PRH1: variants seen among roughly 807,000 people sequenced by gnomAD.
The protein encoded by PRH1 is proline rich protein HaeIII subfamily 1.
Under a neutral mutation model 7.9 loss-of-function variants are expected in PRH1, and 7 were observed. That is an observed-to-expected ratio of 0.89 (90% confidence interval 0.50 to 1.67). The LOEUF is 1.67. PRH1 is among the 40% of genes most tolerant of loss of function. The pLI, the probability that PRH1 is intolerant of heterozygous loss-of-function variation, is 0.00. For synonymous variants in PRH1, 45 were observed against 80.8 expected (o/e 0.56, Z 2.38); for missense variants, 109 against 223.6 (o/e 0.49, Z 3.27).
chr12:10,925,575 T>C (rs1410706929), intron 2 of PRH1, among the ~76,000 whole-genome samples: 2 of 152,126 alleles, frequency 1.3e-5, no homozygotes, highest in African/African-American at 4.8e-5. Context: ...ACGAATAAAT[T>C]TGTATGAGTA....
intron 1 of PRH1, chr12:11,061,863 A>G: frequency 6.2e-7 from 1 of 1,614,138 alleles, no homozygotes; most frequent in Middle Eastern, 1.6e-4. Flanking sequence ...TTATCACAAA[A>G]AGATGACAAA....
chr12:11,052,206 TTCG>T (rs1300582502), intron 1 of PRH1, among the ~76,000 whole-genome samples: 14 of 152,122 alleles, frequency 9.2e-5, no homozygotes, highest in African/African-American at 2.9e-4. Context: ...ACACTTATTT[TTCG>T]TCATTAATTT....
intron 1 of PRH1, among the ~76,000 whole-genome samples, chr12:11,071,862 A>C (rs1944085668): frequency 6.6e-6 from 1 of 152,114 alleles, no homozygotes; most frequent in African/African-American, 2.4e-5. Flanking sequence ...AGGACCCTCT[A>C]CCCTTGCTCA....
intron 1 of PRH1, among the ~76,000 whole-genome samples, chr12:11,110,081 T>A (rs978335167): frequency 2.0e-5 from 3 of 151,858 alleles, no homozygotes; most frequent in African/African-American, 4.8e-5. Flanking sequence ...ACATTGAAGA[T>A]CAATTTAATG....
At chr12:10,946,297 C>T (rs937523595) in intron 2 of PRH1, among the ~76,000 whole-genome samples, 6 of 152,160 alleles carry the variant, frequency 3.9e-5, no homozygotes, top group Non-Finnish European at 8.8e-5. Context: ...TCCATGAAAT[C>T]TTCACAATTT....
At chr12:11,017,856 C>T (rs1184598141) in intron 1 of PRH1, among the ~76,000 whole-genome samples, 2 of 150,820 alleles carry the variant, frequency 1.3e-5, no homozygotes, top group Non-Finnish European at 3.0e-5. Flanking sequence ...AGAAGCACGG[C>T]GTTTATTGAG....
At chr12:11,100,881 C>T (rs1252773286) in intron 1 of PRH1, among the ~76,000 whole-genome samples, 10 of 151,830 alleles carry the variant, frequency 6.6e-5, no homozygotes, top group Non-Finnish European at 7.4e-5. Context: ...AAAATTTTAC[C>T]CAACACACTG....
At chr12:11,122,574 A>G (rs935558630) in intron 1 of PRH1, among the ~76,000 whole-genome samples, 7 of 152,300 alleles carry the variant, frequency 4.6e-5, no homozygotes, top group Non-Finnish European at 8.8e-5. Flanking sequence ...TATGAAGTCA[A>G]TAATTAAACC....
At chr12:11,140,480 G>T (rs1184200581) in intron 1 of PRH1, among the ~76,000 whole-genome samples, 2 of 152,110 alleles carry the variant, frequency 1.3e-5, no homozygotes, top group African/African-American at 4.8e-5. Flanking sequence ...ACTGATTCCT[G>T]AATGTGCAGT....
At chr12:11,034,834 C>A (rs1428131150) in intron 1 of PRH1, 1 of 152,812 alleles carries the variant, frequency 6.5e-6, no homozygotes, top group African/African-American at 2.4e-5. Flanking sequence ...CTGCAGTAAG[C>A]CATGATCCTA....
chr12:10,899,792 G>A (rs1949699167), intron 2 of PRH1, among the ~76,000 whole-genome samples: 1 of 152,088 alleles, frequency 6.6e-6, no homozygotes, highest in Admixed American at 6.5e-5. Context: ...CCAAGAAATT[G>A]AGGAATAATA....
In PRH1 at chr12:10,938,619, T is replaced by C. The variant is rs371442905; in HGVS notation, c.-59+35036A>G. 8.1e-6 allele frequency: 13 copies of C among 1,613,746 alleles called. No homozygotes were observed. In the East Asian group the frequency reaches 2.0e-4, roughly 25 times the overall value. On this transcript the variant is annotated intron_variant, in intron 2 of 3. Coordinates refer to the PRH1 transcript ENST00000539853. ...ATGGAGAAGATGAGGAGAAGAAACA[T>C]TGCCAGGGACAAAGTAAAGGGTATG...
At chr12:11,085,705 C>T (rs35762060) in intron 1 of PRH1, among the ~76,000 whole-genome samples, 63,033 of 112,836 alleles carry the variant, frequency 0.56, 27,393 homozygotes, top group East Asian at 0.95. Flanking sequence ...TATAAAATGT[C>T]TCATACTGAT....
chr12:10,982,311 C>A (rs553477576), intron 1 of PRH1, among the ~76,000 whole-genome samples: 1 of 152,182 alleles, frequency 6.6e-6, no homozygotes, highest in Non-Finnish European at 1.5e-5. Flanking sequence ...AGGGGGCGGT[C>A]GTCCATTTTA....
chr12:11,062,564 C>T (rs1367380985), intron 1 of PRH1, among the ~76,000 whole-genome samples: 1 of 152,066 alleles, frequency 6.6e-6, no homozygotes, highest in East Asian at 1.9e-4. Flanking sequence ...TTGTTATAGG[C>T]TGGAATTATT....
intron 1 of PRH1, among the ~76,000 whole-genome samples, chr12:11,165,493 T>C (rs993098713): frequency 6.6e-6 from 1 of 152,232 alleles, no homozygotes; most frequent in African/African-American, 2.4e-5. Flanking sequence ...TCTATCTCTC[T>C]GCTAAAATTT....
At chr12:11,141,957 T>G (rs933460309) in intron 1 of PRH1, among the ~76,000 whole-genome samples, 1 of 152,104 alleles carries the variant, frequency 6.6e-6, no homozygotes, top group Non-Finnish European at 1.5e-5. Context: ...CCAGATAATT[T>G]TTTTTTATTT....
upstream of PRH1, among the ~76,000 whole-genome samples, chr12:10,884,841 T>C (rs1282722500): frequency 6.6e-6 from 1 of 152,218 alleles, no homozygotes; most frequent in East Asian, 1.9e-4. Context: ...GCTGGCAGCC[T>C]GCTCAGGCTA....
At chr12:11,148,225 G>A (rs368466322) in intron 1 of PRH1, among the ~76,000 whole-genome samples, 16 of 149,682 alleles carry the variant, frequency 1.1e-4, no homozygotes, top group Non-Finnish European at 1.6e-4. Flanking sequence ...CAATCATGTC[G>A]TCTGCAAACA....
Sources: allele counts gnomAD v4.1 joint callset (sites outside exome capture counted in the v4.1 genomes callset), GRCh38; gene constraint gnomAD v4.1.1; transcripts MANE v1.5; gene names NCBI Gene and HGNC (gene_info 2026-07-23, HGNC 2026-07-21).